Variants in NXPH2 observed in about 807,000 individuals in gnomAD.
NXPH2 encodes neurexophilin-2.
NXPH2 carries 5 observed loss-of-function variants against 19.8 expected under a neutral mutation model. The observed-to-expected ratio is 0.25, with a 90% confidence interval of 0.13 to 0.53. The LOEUF (loss-of-function observed/expected upper bound fraction) is 0.53. Among genes scored for constraint, NXPH2 ranks in the 20% least tolerant of loss-of-function variants. NXPH2 has a pLI of 0.96. For missense variants in NXPH2, 289 were observed against 322.8 expected, an observed-to-expected ratio of 0.90 and a Z score of 0.80; for synonymous variants, 154 against 127.4, an observed-to-expected ratio of 1.21 and a Z score of -1.41.
intron 1 of NXPH2, among the ~76,000 whole-genome samples, chr2:138,730,635 C>A (rs1311027499): frequency 6.6e-6 from 1 of 152,108 alleles, no homozygotes; most frequent in Non-Finnish European, 1.5e-5. Flanking sequence ...TTGAGCCTAG[C>A]CTTTAAGTCA....
intron 1 of NXPH2, among the ~76,000 whole-genome samples, chr2:138,747,277 C>T (rs1681752041): frequency 6.6e-6 from 1 of 152,112 alleles, no homozygotes; most frequent in South Asian, 2.1e-4. Context: ...CCCAGTGAAC[C>T]TTGCTGGATG....
chr2:138,718,484 A>T (rs777688014), intron 1 of NXPH2, among the ~76,000 whole-genome samples: 11 of 152,190 alleles, frequency 7.2e-5, no homozygotes, highest in Non-Finnish European at 1.5e-4. Flanking sequence ...TAATATTTTC[A>T]ATCATACAAG....
chr2:138,670,859 C>A lies in NXPH2; in HGVS notation c.*63G>T. The A allele has an allele frequency of 6.6e-7, 1 of 1,510,548 alleles. No homozygotes were observed. The highest frequency in any genetic ancestry group is 8.9e-7 in the Non-Finnish European group (1 of 1,118,170). 93.6% of individuals were successfully genotyped at this position (1,510,548 alleles called of 1,614,324 possible). A position where few individuals can be genotyped will look rare whatever the true frequency, so the allele number is the denominator to read the frequency against. On this transcript the variant is annotated 3_prime_UTR_variant, in exon 2 of 2. Coordinates refer to ENST00000272641, the MANE Select transcript of NXPH2 (RefSeq NM_007226.3). ...GGATCCTTTATCATAAAGAGCTGGG[C>A]TTGTTTCTTTGTCATTCTAATCAAA...
At chr2:138,719,772 A>T (rs7607859) in intron 1 of NXPH2, among the ~76,000 whole-genome samples, 23,116 of 152,162 alleles carry the variant, frequency 0.15, 1,950 homozygotes, top group East Asian at 0.24. Context: ...ATTTTTTCAT[A>T]GCCAAATAAT....
intron 1 of NXPH2, among the ~76,000 whole-genome samples, chr2:138,775,923 A>G (rs1682254022): frequency 6.6e-6 from 1 of 152,184 alleles, no homozygotes; most frequent in Non-Finnish European, 1.5e-5. Context: ...AGAAACGCTG[A>G]CACAGCCTTA....
intron 1 of NXPH2, among the ~76,000 whole-genome samples, chr2:138,748,315 T>C (rs978028587): frequency 3.3e-5 from 5 of 152,204 alleles, no homozygotes; most frequent in African/African-American, 1.2e-4. Context: ...CTTTCAGTAG[T>C]GTTTGAGAAT....
intron 1 of NXPH2, among the ~76,000 whole-genome samples, chr2:138,727,110 G>C (rs1471155898): frequency 6.6e-6 from 1 of 152,120 alleles, no homozygotes; most frequent in Non-Finnish European, 1.5e-5. Flanking sequence ...ATAACTTGAT[G>C]GTTCATTTTT....
In NXPH2 at chr2:138,671,004, T is replaced by C. The variant is rs749425470; in HGVS notation, c.713A>G (p.Tyr238Cys). Residue 238 changes from tyrosine to cysteine, a missense_variant, in exon 2 of 2, where the codon TAC becomes TGC. Coordinates refer to ENST00000272641, the MANE Select transcript of NXPH2 (RefSeq NM_007226.3). ...FKVICIYIAFYSVDYKLVQKV... is the reference protein window; with the variant it reads ...FKVICIYIAFCSVDYKLVQKV... ...TTGCACGAGTTTATAATCAACACTGTAAAAGGCAATGTAAATGCAAATGAC... is the reference window on the plus strand; with the variant it reads ...TTGCACGAGTTTATAATCAACACTGCAAAAGGCAATGTAAATGCAAATGAC... 6 of 1,613,924 alleles carry C rather than the reference T, an allele frequency of 3.7e-6. No homozygotes were observed. In the East Asian group the frequency reaches 1.3e-4, roughly 36 times the overall value.
At chr2:138,678,005 T>C (rs777098208) in intron 1 of NXPH2, among the ~76,000 whole-genome samples, 35 of 152,204 alleles carry the variant, frequency 2.3e-4, no homozygotes, top group Non-Finnish European at 4.6e-4. Flanking sequence ...TAATTGGATC[T>C]TCTTAGTTTT....
chr2:138,775,820 T>G (rs1682252633), intron 1 of NXPH2, among the ~76,000 whole-genome samples: 1 of 152,124 alleles, frequency 6.6e-6, no homozygotes, highest in South Asian at 2.1e-4. Flanking sequence ...TTTAAAGCCG[T>G]TTTGAAATAA....
intron 1 of NXPH2, among the ~76,000 whole-genome samples, chr2:138,771,311 C>T (rs907079025): frequency 2.6e-5 from 4 of 152,028 alleles, no homozygotes. Context: ...AAGCTTGTTA[C>T]AGAACATGGT....
chr2:138,676,593 G>T (rs1052022356), intron 1 of NXPH2, among the ~76,000 whole-genome samples: 6 of 152,122 alleles, frequency 3.9e-5, no homozygotes, highest in Non-Finnish European at 7.4e-5. Context: ...TGTGTGACAT[G>T]AACCTCAGTT....
intron 1 of NXPH2, among the ~76,000 whole-genome samples, chr2:138,685,693 T>C (rs1011892333): frequency 1.3e-5 from 2 of 152,216 alleles, no homozygotes; most frequent in African/African-American, 4.8e-5. Flanking sequence ...ATTGATGTTC[T>C]ACTAAATGCT....
At chr2:138,741,909 A>G (rs1681648386) in intron 1 of NXPH2, among the ~76,000 whole-genome samples, 1 of 152,218 alleles carries the variant, frequency 6.6e-6, no homozygotes, top group African/African-American at 2.4e-5. Context: ...GGAAAATGTT[A>G]TTAATAGCAT....
In NXPH2 at chr2:138,741,538, T is replaced by C. The variant is rs188417342; in HGVS notation, c.51+38653A>G. Among the ~76,000 whole-genome samples the C allele has an allele frequency of 1.4e-3, 220 of 152,354 alleles. 1 individual carries two copies. The highest frequency in any genetic ancestry group is 0.012 in the East Asian group (64 of 5,192). On this transcript the variant is annotated intron_variant, in intron 1 of 1. Coordinates refer to ENST00000272641, the MANE Select transcript of NXPH2 (RefSeq NM_007226.3). ...AAATCCCAGTGATTTTGGTGAAAGATGCACAAGCTGATACCTCATTTAGGG... is the reference window on the plus strand; with the variant it reads ...AAATCCCAGTGATTTTGGTGAAAGACGCACAAGCTGATACCTCATTTAGGG...
At chr2:138,710,368 G>A (rs1681087445) in intron 1 of NXPH2, among the ~76,000 whole-genome samples, 1 of 152,178 alleles carries the variant, frequency 6.6e-6, no homozygotes, top group East Asian at 1.9e-4. Flanking sequence ...CTGTAATGAA[G>A]ATTGGTATAA....
At chr2:138,776,144 A>G (rs948633505) in intron 1 of NXPH2, among the ~76,000 whole-genome samples, 1 of 152,108 alleles carries the variant, frequency 6.6e-6, no homozygotes, top group African/African-American at 2.4e-5. Context: ...TCTTTAATAG[A>G]TAAAAGGTGG....
chr2:138,780,249 G>C lies in NXPH2; in HGVS notation c.-8C>G. The C allele has an allele frequency of 7.0e-7, 1 of 1,429,486 alleles. No individual in the cohort carries two copies. The highest frequency in any genetic ancestry group is 9.1e-7 in the Non-Finnish European group (1 of 1,102,098). 88.6% of individuals were successfully genotyped at this position (1,429,486 alleles called of 1,614,324 possible). The stretch of plus-strand genomic sequence containing the variant: ...CAGCGGCCGCAGGCGCATGGTGCCG[G>C]CTGGCGCGGCTTTTCACGAGCTGCG... On this transcript the variant is annotated 5_prime_UTR_variant, in exon 1 of 2. Transcript: ENST00000272641.
chr2:138,688,831 C>T (rs868439034), intron 1 of NXPH2, among the ~76,000 whole-genome samples: 2 of 152,292 alleles, frequency 1.3e-5, no homozygotes, highest in South Asian at 2.1e-4. Context: ...CCACCGCCCC[C>T]CCAACCCCCG....
Sources: gnomAD v4.1 joint callset for allele counts (sites outside exome capture counted in the v4.1 genomes callset) on GRCh38, gnomAD v4.1.1 for gene constraint, MANE v1.5 for transcripts, NCBI Gene and HGNC (gene_info 2026-07-23, HGNC 2026-07-21) for gene names.